Variants in LYN observed in about 807,000 individuals in gnomAD.
The protein encoded by LYN is tyrosine-protein kinase Lyn.
A neutral mutation model predicts 65.0 loss-of-function variants in LYN; 12 were observed. The ratio of observed to expected loss-of-function variants is 0.18; its 90% CI spans 0.12 to 0.30. The LOEUF is 0.30. LYN is among the 10% of genes least tolerant of loss of function. The probability of loss-of-function intolerance (pLI) is 1.00; values close to 1 mark genes in which losing one functional copy is unlikely to be tolerated. For missense variants in LYN, 380 were observed against 623.2 expected (o/e 0.61, Z 4.16); for synonymous variants, 222 against 221.2 (o/e 1.00, Z -0.03).
chr8:56,004,716 T>A (rs1808627949), intron 12 of LYN, among the ~76,000 whole-genome samples: 1 of 152,238 alleles, frequency 6.6e-6, no homozygotes, highest in Non-Finnish European at 1.5e-5. Flanking sequence ...ATTCTACTCA[T>A]AACTTTTATC....
At chr8:55,930,816 C>T (rs1806245997) in intron 1 of LYN, among the ~76,000 whole-genome samples, 1 of 152,128 alleles carries the variant, frequency 6.6e-6, no homozygotes, top group Admixed American at 6.6e-5. Flanking sequence ...CTGTGGCCAT[C>T]AGCTCATCCC....
At chr8:55,992,200 G>A (rs7826509) in intron 10 of LYN, among the ~76,000 whole-genome samples, 16,471 of 152,140 alleles carry the variant, frequency 0.11, 1,773 homozygotes, top group African/African-American at 0.28. Flanking sequence ...GAATCACATG[G>A]CCTAAGATGA....
intron 1 of LYN, among the ~76,000 whole-genome samples, chr8:55,916,067 T>G (rs1805773563): frequency 6.6e-6 from 1 of 152,210 alleles, no homozygotes; most frequent in Admixed American, 6.5e-5. Flanking sequence ...TATCTTAAGT[T>G]CAGTAAATAT....
intron 7 of LYN, among the ~76,000 whole-genome samples, chr8:55,953,086 C>T (rs1806998563): frequency 2.0e-5 from 3 of 152,172 alleles, no homozygotes; most frequent in African/African-American, 2.4e-5. Context: ...TGCCTTCCTC[C>T]GCCCTCCCAT....
intron 8 of LYN, among the ~76,000 whole-genome samples, chr8:55,957,143 T>A (rs1420210069): frequency 6.6e-6 from 1 of 152,116 alleles, no homozygotes; most frequent in Non-Finnish European, 1.5e-5. Flanking sequence ...CTAATTTGAC[T>A]TCCCTAGCCT....
At chr8:55,912,236 T>C (rs1805657408) in intron 1 of LYN, among the ~76,000 whole-genome samples, 1 of 152,368 alleles carries the variant, frequency 6.6e-6, no homozygotes, top group African/African-American at 2.4e-5. Context: ...CCTTTTGCAA[T>C]GTATCATTAA....
At chr8:55,903,212 C>T (rs1389839894) in intron 1 of LYN, among the ~76,000 whole-genome samples, 1 of 152,214 alleles carries the variant, frequency 6.6e-6, no homozygotes, top group Non-Finnish European at 1.5e-5. Flanking sequence ...AGGCTGGTCT[C>T]GAACTCCTCA....
At chr8:55,993,653 A>G (rs1301624584) in intron 10 of LYN, among the ~76,000 whole-genome samples, 1 of 152,222 alleles carries the variant, frequency 6.6e-6, no homozygotes, top group Non-Finnish European at 1.5e-5. Context: ...TGCTATTAAG[A>G]TGAAACATGA....
intron 10 of LYN, among the ~76,000 whole-genome samples, chr8:55,972,446 C>T: frequency 6.6e-6 from 1 of 152,158 alleles, no homozygotes; most frequent in South Asian, 2.1e-4. Flanking sequence ...TTACCCTTGG[C>T]AACAAGGAGT....
intron 4 of LYN, 85 bp downstream of exon 4, chr8:55,947,808 C>A: frequency 1.1e-6 from 1 of 926,472 alleles, no homozygotes; most frequent in Non-Finnish European, 1.8e-6. Context: ...GCTTCTGGTG[C>A]TACAGCCATA....
intron 3 of LYN, among the ~76,000 whole-genome samples, chr8:55,947,119 G>A (rs1407205427): frequency 6.6e-6 from 1 of 152,112 alleles, no homozygotes; most frequent in East Asian, 1.9e-4. Flanking sequence ...CGTGGTGGTG[G>A]GCGCCTGTAA....
At chr8:55,892,546 A>G (rs1358978892) in intron 1 of LYN, among the ~76,000 whole-genome samples, 2 of 152,188 alleles carry the variant, frequency 1.3e-5, no homozygotes, top group African/African-American at 2.4e-5. Flanking sequence ...ATAAGAAAGT[A>G]TCTTTCTTTT....
intron 8 of LYN, among the ~76,000 whole-genome samples, chr8:55,964,200 T>C (rs1807377346): frequency 1.3e-5 from 2 of 152,146 alleles, no homozygotes; most frequent in African/African-American, 4.8e-5. Flanking sequence ...CTAACACTTA[T>C]CTTGTACTGC....
chr8:55,953,629 A>AGGCT (rs1807015805), intron 7 of LYN, among the ~76,000 whole-genome samples: 2 of 152,174 alleles, frequency 1.3e-5, no homozygotes, highest in African/African-American at 4.8e-5. Context: ...CCTGGGCAAT[A>AGGCT]GGAGTGAAAC....
chr8:55,917,297 C>T (rs759756824), intron 1 of LYN, among the ~76,000 whole-genome samples: 16 of 152,062 alleles, frequency 1.1e-4, no homozygotes, highest in African/African-American at 1.9e-4. Context: ...GTGATCGTCC[C>T]GCCTCAGCCT....
chr8:55,940,919 G>T (rs938407164), intron 1 of LYN, among the ~76,000 whole-genome samples: 2 of 152,074 alleles, frequency 1.3e-5, no homozygotes, highest in Non-Finnish European at 2.9e-5. Flanking sequence ...CATGGCTTGC[G>T]GAGACCGTCA....
chr8:55,883,772 C>T (rs1028109601), intron 1 of LYN, among the ~76,000 whole-genome samples: 11 of 152,170 alleles, frequency 7.2e-5, no homozygotes, highest in African/African-American at 2.7e-4. Flanking sequence ...GTGCAAGGCA[C>T]TGTTCTAGGC....
intron 1 of LYN, among the ~76,000 whole-genome samples, chr8:55,882,242 G>T (rs1804671843): frequency 1.3e-5 from 2 of 152,170 alleles, no homozygotes; most frequent in South Asian, 4.1e-4. Flanking sequence ...AGAGTCATTG[G>T]TGTTACAAAG....
At position 55,964,553 on chromosome 8, in the gene LYN, TA is replaced by T. The variant is rs1807390603; in HGVS notation, c.791-2155del. On this transcript the variant is annotated intron_variant, in intron 8 of 12. Coordinates refer to ENST00000519728, the MANE Select transcript of LYN (RefSeq NM_002350.4). The stretch of plus-strand genomic sequence containing the variant: ...ATGTATAATACATTTCTTTATTATT[TA>T]AAAAAATCATTTTTTAAAAAGTACA... 2.6e-5 allele frequency among the ~76,000 whole-genome samples: 4 copies of T among 152,316 alleles called. No homozygotes were observed. The South Asian group carries it at 8.3e-4, about 32-fold the overall frequency.
Sources: allele counts gnomAD v4.1 joint callset (sites outside exome capture counted in the v4.1 genomes callset), GRCh38; gene constraint gnomAD v4.1.1; transcripts MANE v1.5; gene names NCBI Gene and HGNC (gene_info 2026-07-23, HGNC 2026-07-21).